Variants in TECPR2 observed in about 807,000 individuals in gnomAD.
The protein encoded by TECPR2 is tectonin beta-propeller repeat containing 2.
A neutral mutation model predicts 138.1 loss-of-function variants in TECPR2; 65 were observed. That is an observed-to-expected ratio of 0.47 (90% CI 0.39 to 0.58). TECPR2 has a LOEUF of 0.58. TECPR2 is among the 20% of genes least tolerant of loss of function. The pLI is 0.00. For synonymous variants in TECPR2, 746 were observed against 749.8 expected (o/e 0.99, Z 0.08); for missense variants, 1,553 against 1,824.5 (o/e 0.85, Z 2.71).
chr14:102,447,756 A>G (rs891333639), intron 13 of TECPR2, among the ~76,000 whole-genome samples: 13 of 151,816 alleles, frequency 8.6e-5, no homozygotes, highest in African/African-American at 3.1e-4. Context: ...GTTGGTCTCA[A>G]TGTCTTGACC....
At chr14:102,384,989 C>T (rs1887958109) in intron 2 of TECPR2, among the ~76,000 whole-genome samples, 1 of 150,724 alleles carries the variant, frequency 6.6e-6, no homozygotes, top group African/African-American at 2.4e-5. Flanking sequence ...TCCGAGTGGC[C>T]AGGACTACAG....
chr14:102,427,770 C>T (rs950550519), intron 6 of TECPR2, among the ~76,000 whole-genome samples: 3 of 152,126 alleles, frequency 2.0e-5, no homozygotes, highest in Non-Finnish European at 2.9e-5. Context: ...GGGCGTCAAG[C>T]GGAAGTTTGG....
rs1463634842 is a variant in TECPR2 at position 102,496,766 on chromosome 14, T to C, written c.3790-213T>C. The C allele has an allele frequency of 6.0e-6, 4 of 661,202 alleles. No individual in the cohort carries two copies. The East Asian group carries it at 1.1e-4, about 19-fold the overall frequency. 41.0% of individuals were successfully genotyped at this position (661,202 alleles called of 1,614,324 possible). Reference sequence around the variant, plus strand: ...GTCCATGCTGGTATCTGCTGGGCTGTCCCTCAGTCTGGCCCACCTGACATT... The same window carrying C: ...GTCCATGCTGGTATCTGCTGGGCTGCCCCTCAGTCTGGCCCACCTGACATT... On this transcript the variant is annotated intron_variant, in intron 17 of 19. Coordinates refer to ENST00000359520, the MANE Select transcript of TECPR2 (RefSeq NM_014844.5).
intron 2 of TECPR2, among the ~76,000 whole-genome samples, chr14:102,387,950 G>A (rs1034565110): frequency 2.0e-5 from 3 of 152,218 alleles, no homozygotes; most frequent in African/African-American, 7.2e-5. Context: ...GAAAACGGAA[G>A]GGAAAGGCAC....
At chr14:102,432,291 C>T (rs889094118) in intron 8 of TECPR2, among the ~76,000 whole-genome samples, 163 bp downstream of exon 8, 1 of 131,998 alleles carries the variant, frequency 7.6e-6, no homozygotes, top group African/African-American at 2.8e-5. Flanking sequence ...TTCACATTAA[C>T]GGAAAATACA....
intron 10 of TECPR2, among the ~76,000 whole-genome samples, chr14:102,439,946 G>T (rs1428918931): frequency 6.6e-6 from 1 of 152,198 alleles, no homozygotes; most frequent in Non-Finnish European, 1.5e-5. Flanking sequence ...TTCCTTCTGT[G>T]CACCTTTTCC....
At chr14:102,379,523 G>A (rs1887735535) in intron 2 of TECPR2, among the ~76,000 whole-genome samples, 2 of 147,560 alleles carry the variant, frequency 1.4e-5, no homozygotes, top group Admixed American at 1.4e-4. Flanking sequence ...ATGCACAGAG[G>A]CGTCCTGGTC....
chr14:102,457,370 C>T (rs1157632030), intron 16 of TECPR2, among the ~76,000 whole-genome samples: 2 of 152,156 alleles, frequency 1.3e-5, no homozygotes, highest in Non-Finnish European at 2.9e-5. Flanking sequence ...CAGGTGTGAG[C>T]CACTGCGCCT....
intron 2 of TECPR2, among the ~76,000 whole-genome samples, chr14:102,380,866 G>C (rs1450993782): frequency 1.3e-5 from 2 of 151,944 alleles, no homozygotes; most frequent in African/African-American, 4.8e-5. Flanking sequence ...TTTTAGTAGA[G>C]ACGGGGTTTC....
intron 17 of TECPR2, among the ~76,000 whole-genome samples, chr14:102,493,499 AC>A (rs1044149141): frequency 6.6e-6 from 1 of 152,142 alleles, no homozygotes; most frequent in Non-Finnish European, 1.5e-5. Context: ...GCACCTCTGA[AC>A]CCCAGGTCCA....
At chr14:102,436,886 G>A in intron 9 of TECPR2, 1 of 670,084 alleles carries the variant, frequency 1.5e-6, no homozygotes, top group Non-Finnish European at 1.8e-6. Context: ...CTAATGTCTG[G>A]GCGTTAGCCA....
chr14:102,441,240 T>G lies in TECPR2; in HGVS notation c.2752+631T>G, dbSNP rs1293923998. On this transcript the variant is annotated intron_variant, in intron 11 of 19. Transcript: ENST00000359520. ...CCATCACCACGCCCAGCCAATTTTT[T>G]TGTATTTTTAGTAGAGATGGAGTTT... is the stretch of plus-strand genomic sequence containing the variant. 4.6e-5 allele frequency among the ~76,000 whole-genome samples: 7 copies of G among 152,096 alleles called. No homozygotes were observed. In the East Asian group the frequency reaches 1.4e-3, roughly 30 times the overall value.
chr14:102,390,300 AG>A (rs1399085369), intron 2 of TECPR2, among the ~76,000 whole-genome samples: 1 of 151,948 alleles, frequency 6.6e-6, no homozygotes, highest in East Asian at 1.9e-4. Context: ...TCAAATCAAA[AG>A]CCTTTTTTTT....
rs1025458212 is a variant in TECPR2, at chr14:102,443,372, C to T, written c.2753-275C>T. Among the ~76,000 whole-genome samples, 3 of 152,094 alleles carry T rather than the reference C, an allele frequency of 2.0e-5. No homozygotes were observed. The highest frequency in any genetic ancestry group is 4.8e-5 in the African/African-American group (2 of 41,410). ...TTAAACTTGACAACAAAAAAGCGGC[C>T]GGACAGGGCAGCTCCTGCCTGTAAT... On this transcript the variant is annotated intron_variant, in intron 11 of 19. Transcript: ENST00000359520. This position sits in a 1 kb window ranked among gnomAD's most constrained non-coding sequence, Gnocchi z 4.9.
chr14:102,498,020 T>TGA, intron 19 of TECPR2, 83 bp from the exon 20 acceptor site: 6 of 1,550,398 alleles, frequency 3.9e-6, no homozygotes, highest in Non-Finnish European at 5.2e-6. Flanking sequence ...AGCCCAGACC[T>TGA]GCGCCCAAGC....
intron 17 of TECPR2, among the ~76,000 whole-genome samples, chr14:102,469,092 T>G (rs1002357191): frequency 6.6e-6 from 1 of 152,106 alleles, no homozygotes; most frequent in Non-Finnish European, 1.5e-5. Flanking sequence ...CCCTCCTACA[T>G]CCATGTGAAT....
intron 17 of TECPR2, among the ~76,000 whole-genome samples, chr14:102,490,278 G>A (rs1891125693): frequency 6.6e-6 from 1 of 152,156 alleles, no homozygotes; most frequent in African/African-American, 2.4e-5. Context: ...TTGCTTTGAG[G>A]TCCAGTGATT....
At chr14:102,365,976 G>C (rs1887337291) in intron 1 of TECPR2, among the ~76,000 whole-genome samples, 3 of 152,210 alleles carry the variant, frequency 2.0e-5, no homozygotes, top group African/African-American at 7.2e-5. Flanking sequence ...ATAATTAATA[G>C]ATGTCGTAGC....
chr14:102,446,811 AATTT>A (rs1410774713), intron 13 of TECPR2, among the ~76,000 whole-genome samples: 1 of 152,102 alleles, frequency 6.6e-6, no homozygotes, highest in Non-Finnish European at 1.5e-5. Context: ...TAATGCACTT[AATTT>A]ATTTATTTTG....
Sources: gnomAD v4.1 joint callset for allele counts (sites outside exome capture counted in the v4.1 genomes callset) on GRCh38, gnomAD v4.1.1 for gene constraint, Gnocchi (gnomAD v3.1) non-coding constraint, MANE v1.5 for transcripts, NCBI Gene and HGNC (gene_info 2026-07-23, HGNC 2026-07-21) for gene names.